The following MACROD2 variants were observed in gnomAD, a reference collection of about 807,000 sequenced individuals.
The protein encoded by MACROD2 is mono-ADP ribosylhydrolase 2.
A neutral mutation model predicts 70.4 loss-of-function variants in MACROD2; 36 were observed. The ratio of observed to expected loss-of-function variants is 0.51; its 90% CI spans 0.39 to 0.68. MACROD2 has a LOEUF of 0.68. Among genes scored for constraint, MACROD2 ranks in the 30% least tolerant of loss-of-function variants. The probability of loss-of-function intolerance (pLI) is 0.00; values close to 1 mark genes in which losing one functional copy is unlikely to be tolerated. For synonymous variants in MACROD2, 172 were observed against 178.8 expected (o/e 0.96, Z 0.30); for missense variants, 496 against 538.4 (o/e 0.92, Z 0.78).
intron 6 of MACROD2, among the ~76,000 whole-genome samples, chr20:15,417,071 A>C (rs1850691717): frequency 6.6e-6 from 1 of 152,268 alleles, no homozygotes; most frequent in Non-Finnish European, 1.5e-5. Context: ...AAGACTCTGC[A>C]GGCGTGAAAT....
At chr20:14,171,933 T>A (rs1316148663) in intron 3 of MACROD2, among the ~76,000 whole-genome samples, 1 of 152,204 alleles carries the variant, frequency 6.6e-6, no homozygotes, top group East Asian at 1.9e-4. Context: ...GTCAGTAGAG[T>A]ATTAAAGTCC....
intron 5 of MACROD2, among the ~76,000 whole-genome samples, chr20:15,177,959 C>G (rs1258847091): frequency 6.8e-6 from 1 of 147,614 alleles, no homozygotes; most frequent in Non-Finnish European, 1.5e-5. Context: ...TTTTTTCTTT[C>G]TCTGTAGTGA....
At chr20:15,615,259 A>AC (rs1271278803) in intron 8 of MACROD2, among the ~76,000 whole-genome samples, 3 of 151,916 alleles carry the variant, frequency 2.0e-5, no homozygotes, top group African/African-American at 7.2e-5. Context: ...GAGTGAATTC[A>AC]CCCCCTCTCC....
intron 6 of MACROD2, among the ~76,000 whole-genome samples, chr20:15,388,399 T>C (rs76496620): frequency 0.015 from 2,286 of 152,254 alleles, 30 homozygotes; most frequent in East Asian, 0.054. Context: ...AAGGAAACCA[T>C]ATTATTTATT....
At chr20:15,381,608 G>A in intron 6 of MACROD2, among the ~76,000 whole-genome samples, 1 of 152,148 alleles carries the variant, frequency 6.6e-6, no homozygotes, top group Non-Finnish European at 1.5e-5. Flanking sequence ...TGAGGCTGCA[G>A]TGAGCCATGA....
chr20:15,325,318 T>A (rs926614532), intron 6 of MACROD2, among the ~76,000 whole-genome samples: 5 of 152,166 alleles, frequency 3.3e-5, no homozygotes, highest in Non-Finnish European at 7.4e-5. Flanking sequence ...TAGTTAAGAA[T>A]ATTTACAAAA....
chr20:15,058,614 G>C (rs949782364), intron 5 of MACROD2, among the ~76,000 whole-genome samples: 1 of 152,018 alleles, frequency 6.6e-6, no homozygotes, highest in African/African-American at 2.4e-5. Context: ...CTGCTTTTTT[G>C]GGCCAACCAA....
chr20:15,121,795 G>A (rs1232037299), intron 5 of MACROD2, among the ~76,000 whole-genome samples: 1 of 152,150 alleles, frequency 6.6e-6, no homozygotes, highest in Non-Finnish European at 1.5e-5. Flanking sequence ...CCTCAAAAGA[G>A]AAAAGAAATG....
In MACROD2 at chr20:14,995,363, G is replaced by C. The variant is rs1295748698; in HGVS notation, c.419-234577G>C. On this transcript the variant is annotated intron_variant, in intron 5 of 17. Coordinates refer to ENST00000684519, the MANE Select transcript of MACROD2 (RefSeq NM_001351661.2). ...TTAGACGTAAGATGAATACTTAATT[G>C]ACAAAAGAAGTAAGTCTAAATAGCC... Among the ~76,000 whole-genome samples the C allele has an allele frequency of 3.3e-5, 5 of 151,774 alleles. 1 individual carries two copies. The highest frequency in any genetic ancestry group is 1.2e-4 in the African/African-American group (5 of 41,310).
intron 12 of MACROD2, among the ~76,000 whole-genome samples, chr20:15,955,329 C>G (rs2065961462): frequency 6.6e-6 from 1 of 152,098 alleles, no homozygotes; most frequent in African/African-American, 2.4e-5. Context: ...AATTTAGGTC[C>G]AATCAACATA....
intron 5 of MACROD2, among the ~76,000 whole-genome samples, chr20:14,719,473 G>A (rs1195610162): frequency 1.1e-3 from 155 of 136,128 alleles, no homozygotes; most frequent in South Asian, 1.8e-3. Context: ...AAGATAGAAA[G>A]AAAAAAAAAA....
At chr20:15,497,317 G>T (rs2047310487) in intron 7 of MACROD2, among the ~76,000 whole-genome samples, 1 of 151,268 alleles carries the variant, frequency 6.6e-6, no homozygotes, top group Non-Finnish European at 1.5e-5. Context: ...TTTTGAGACA[G>T]AGTCTTGCTC....
intron 3 of MACROD2, among the ~76,000 whole-genome samples, chr20:14,319,919 T>A (rs957130960): frequency 1.3e-5 from 2 of 152,190 alleles, no homozygotes; most frequent in Non-Finnish European, 2.9e-5. Flanking sequence ...AATACTCACC[T>A]CTTAGATGTG....
intron 3 of MACROD2, among the ~76,000 whole-genome samples, chr20:14,288,119 C>CCT (rs2122433598): frequency 6.6e-6 from 1 of 151,912 alleles, no homozygotes; most frequent in East Asian, 2.0e-4. Context: ...AAGGTACACC[C>CCT]TACAAGGTAG....
At chr20:15,770,566 G>A (rs1227528140) in intron 8 of MACROD2, among the ~76,000 whole-genome samples, 1 of 152,076 alleles carries the variant, frequency 6.6e-6, no homozygotes, top group Non-Finnish European at 1.5e-5. Flanking sequence ...CACAAACAGC[G>A]AGAAAGAGAG....
intron 8 of MACROD2, among the ~76,000 whole-genome samples, chr20:15,584,870 C>G (rs867318835): frequency 2.6e-5 from 4 of 152,224 alleles, no homozygotes; most frequent in Non-Finnish European, 5.9e-5. Context: ...CCATCTCCCC[C>G]CTGACCTGTC....
intron 5 of MACROD2, among the ~76,000 whole-genome samples, chr20:14,765,726 A>C (rs985845030): frequency 6.6e-6 from 1 of 152,146 alleles, no homozygotes; most frequent in Non-Finnish European, 1.5e-5. Flanking sequence ...ATAAATCAAC[A>C]TATGAAACAG....
Position 14,051,696 on chromosome 20 carries a change from C to A in MACROD2, c.164-33925C>A, listed in dbSNP as rs1394982266. The A allele has an allele frequency of 2.0e-5, 7 of 341,570 alleles. No homozygotes were observed. In the Admixed American group the frequency reaches 2.9e-4, roughly 14 times the overall value. 21.2% of individuals were successfully genotyped at this position (341,570 alleles called of 1,614,324 possible). Reference sequence around the variant, plus strand: ...AATAATGAATGGTAAAGAGAAAAAACAAAGAGAATTATAAATTCAAAAGGT... The same window carrying A: ...AATAATGAATGGTAAAGAGAAAAAAAAAAGAGAATTATAAATTCAAAAGGT... On this transcript the variant is annotated intron_variant, in intron 2 of 17. Transcript: ENST00000684519.
At chr20:14,423,569 G>A (rs1485629845) in intron 3 of MACROD2, among the ~76,000 whole-genome samples, 4 of 150,868 alleles carry the variant, frequency 2.7e-5, no homozygotes, top group African/African-American at 7.3e-5. Context: ...GCATGGTGGC[G>A]GGCCCCTGTA....
Sources: gnomAD v4.1 joint callset for allele counts (sites outside exome capture counted in the v4.1 genomes callset) on GRCh38, gnomAD v4.1.1 for gene constraint, MANE v1.5 for transcripts, NCBI Gene and HGNC (gene_info 2026-07-23, HGNC 2026-07-21) for gene names.